The following GUCY1A2 variants were observed in gnomAD, a reference collection of about 807,000 sequenced individuals.
GUCY1A2 encodes the protein guanylate cyclase 1 soluble subunit alpha 2, also known as guanylate cyclase soluble subunit alpha-2.
A neutral mutation model predicts 63.5 loss-of-function variants in GUCY1A2; 27 were observed. The ratio of observed to expected loss-of-function variants is 0.43; its 90% CI spans 0.31 to 0.59. GUCY1A2 has a LOEUF of 0.59. Among genes scored for constraint, GUCY1A2 ranks in the 20% least tolerant of loss-of-function variants. The probability of loss-of-function intolerance (pLI) is 0.11; values close to 1 mark genes in which losing one functional copy is unlikely to be tolerated. For synonymous variants in GUCY1A2, 364 were observed against 343.5 expected (o/e 1.06, Z -0.66); for missense variants, 768 against 913.3 (o/e 0.84, Z 2.05).
intron 6 of GUCY1A2, among the ~76,000 whole-genome samples, chr11:106,774,564 C>T (rs1005397652): frequency 6.7e-6 from 1 of 150,120 alleles, no homozygotes; most frequent in East Asian, 1.9e-4. Context: ...GTGCTGATTA[C>T]TGTGTCTGGG....
intron 4 of GUCY1A2, among the ~76,000 whole-genome samples, chr11:106,831,047 A>G (rs913481452): frequency 1.3e-5 from 2 of 152,180 alleles, no homozygotes; most frequent in Non-Finnish European, 2.9e-5. Context: ...CATAAAGCTT[A>G]TATAGCTATA....
chr11:106,712,849 C>A (rs931770269), intron 6 of GUCY1A2, among the ~76,000 whole-genome samples: 4 of 152,140 alleles, frequency 2.6e-5, no homozygotes, highest in Admixed American at 2.0e-4. Flanking sequence ...GTGCTAGGTG[C>A]TTTTCCATAT....
intron 4 of GUCY1A2, among the ~76,000 whole-genome samples, chr11:106,925,597 T>C (rs1860510775): frequency 1.3e-5 from 2 of 152,192 alleles, no homozygotes; most frequent in Admixed American, 1.3e-4. Flanking sequence ...TTTTTGACAT[T>C]TTATACTAAA....
At position 106,677,494 on chromosome 11, in the gene GUCY1A2, A is replaced by G. The variant is rs1862365753; in HGVS notation, c.*10055T>C. On this transcript the variant is annotated 3_prime_UTR_variant, in exon 8 of 8. Transcript: ENST00000526355. ...ATAAAACCAAATTTTCCCAGCAGAT[A>G]ATAAATTCTGCACTGGGGAGACATC... 4.8e-6 allele frequency: 1 copy of G among 208,006 alleles called. No individual in the cohort carries two copies. The allele number at this position is 208,006 out of a possible 1,614,324, so 12.9% of individuals were successfully genotyped here.
chr11:106,936,420 AC>A, intron 4 of GUCY1A2, among the ~76,000 whole-genome samples: 1 of 152,352 alleles, frequency 6.6e-6, no homozygotes, highest in South Asian at 2.1e-4. Context: ...TTTTTTAAAA[AC>A]AACCAATTCA....
chr11:106,941,298 A>T (rs1196326797), intron 3 of GUCY1A2, among the ~76,000 whole-genome samples: 2 of 152,192 alleles, frequency 1.3e-5, no homozygotes, highest in African/African-American at 4.8e-5. Context: ...AAGTGTGCAC[A>T]ATGTATTCTA....
intron 4 of GUCY1A2, among the ~76,000 whole-genome samples, chr11:106,825,664 G>A (rs914329162): frequency 6.6e-6 from 1 of 151,728 alleles, no homozygotes; most frequent in Non-Finnish European, 1.5e-5. Context: ...ATGTAGATCA[G>A]GGATGTCCAA....
chr11:106,837,984 T>C (rs1050187326), intron 4 of GUCY1A2, among the ~76,000 whole-genome samples: 1 of 151,958 alleles, frequency 6.6e-6, no homozygotes, highest in Non-Finnish European at 1.5e-5. Context: ...ATCTTCTCTA[T>C]TCTGAGCACA....
chr11:106,740,189 G>A (rs1251753324), intron 6 of GUCY1A2, among the ~76,000 whole-genome samples: 4 of 151,906 alleles, frequency 2.6e-5, no homozygotes, highest in East Asian at 1.9e-4. Flanking sequence ...TAGTAGAGAC[G>A]GAGTTTTACC....
intron 4 of GUCY1A2, among the ~76,000 whole-genome samples, chr11:106,914,635 GA>G (rs1371656823): frequency 2.0e-5 from 3 of 150,870 alleles, no homozygotes; most frequent in Admixed American, 6.6e-5. Context: ...TAATTACAAG[GA>G]AAATTAAATA....
intron 4 of GUCY1A2, chr11:106,827,671 C>T: frequency 6.4e-7 from 1 of 1,550,882 alleles, no homozygotes. Context: ...AAGCGTTTTT[C>T]TAACATGGTA....
chr11:106,812,656 AT>A (rs1381566319), intron 4 of GUCY1A2, among the ~76,000 whole-genome samples: 1 of 151,810 alleles, frequency 6.6e-6, no homozygotes, highest in African/African-American at 2.4e-5. Flanking sequence ...TATGTAATGC[AT>A]TTTAAATATT....
At chr11:106,805,139 C>A (rs1247921031) in intron 5 of GUCY1A2, among the ~76,000 whole-genome samples, 1 of 152,168 alleles carries the variant, frequency 6.6e-6, no homozygotes, top group Non-Finnish European at 1.5e-5. Flanking sequence ...CCAATCTAAA[C>A]CTGACAATGT....
intron 5 of GUCY1A2, among the ~76,000 whole-genome samples, chr11:106,798,762 T>C (rs1864814193): frequency 6.6e-6 from 1 of 152,078 alleles, no homozygotes; most frequent in South Asian, 2.1e-4. Flanking sequence ...ATGGGACGTA[T>C]CTCAAAATAA....
At chr11:106,763,083 A>G (rs898967256) in intron 6 of GUCY1A2, among the ~76,000 whole-genome samples, 2 of 152,150 alleles carry the variant, frequency 1.3e-5, no homozygotes, top group African/African-American at 4.8e-5. Context: ...CAACTCCCAT[A>G]TAATTTCTAT....
At chr11:106,772,188 T>A (rs1302577723) in intron 6 of GUCY1A2, among the ~76,000 whole-genome samples, 1 of 152,220 alleles carries the variant, frequency 6.6e-6, no homozygotes, top group African/African-American at 2.4e-5. Flanking sequence ...TGGCTCCTAT[T>A]TCCCATCATT....
At chr11:106,746,785 C>A in intron 6 of GUCY1A2, 2 of 515,990 alleles carry the variant, frequency 3.9e-6, no homozygotes, top group Non-Finnish European at 7.0e-6. Flanking sequence ...ATTGGTGGTA[C>A]AATAAAAAAA....
intron 4 of GUCY1A2, among the ~76,000 whole-genome samples, chr11:106,839,047 TG>T (rs1859156879): frequency 6.6e-6 from 1 of 152,156 alleles, no homozygotes; most frequent in South Asian, 2.1e-4. Context: ...ATGAAGTCCT[TG>T]CCCATACCTA....
At chr11:106,745,494 T>G (rs1863772154) in intron 6 of GUCY1A2, among the ~76,000 whole-genome samples, 1 of 152,244 alleles carries the variant, frequency 6.6e-6, no homozygotes, top group African/African-American at 2.4e-5. Context: ...TTAATTACCA[T>G]TTGTTGCCAC....
Sources: gnomAD v4.1 joint callset for allele counts (sites outside exome capture counted in the v4.1 genomes callset) on GRCh38, gnomAD v4.1.1 for gene constraint, MANE v1.5 for transcripts, NCBI Gene and HGNC (gene_info 2026-07-23, HGNC 2026-07-21) for gene names.